Variants in TTC28 observed in about 807,000 individuals in gnomAD.
The protein encoded by TTC28 is tetratricopeptide repeat protein 28.
Under a neutral mutation model 198.0 loss-of-function variants are expected in TTC28, and 61 were observed. That is an observed-to-expected ratio of 0.31 (90% CI 0.25 to 0.38). TTC28 has a LOEUF of 0.38. Ranked by LOEUF, TTC28 falls within the 10% of genes least tolerant of loss-of-function variation. The pLI is 1.00. For missense variants in TTC28, 2,678 were observed against 3,164.0 expected (o/e 0.85, Z 3.69); for synonymous variants, 1,171 against 1,297.8 (o/e 0.90, Z 2.10).
At chr22:28,243,211 A>C (rs935125247) in intron 5 of TTC28, among the ~76,000 whole-genome samples, 2 of 129,444 alleles carry the variant, frequency 1.5e-5, no homozygotes, top group African/African-American at 5.6e-5. Flanking sequence ...AAAAAAAAAA[A>C]AACTAGCCAG....
Position 28,208,717 on chromosome 22 carries a change from C to CTA in TTC28, c.934-45120_934-45119dup, listed in dbSNP as rs756419334. On this transcript the variant is annotated intron_variant, in intron 5 of 22. Transcript: ENST00000397906. Reference sequence around the variant, plus strand: ...GGCCTTCCAAAATATAGTATTTTAACTATATATATATGTGCATATATTTTT... The same window carrying CTA: ...GGCCTTCCAAAATATAGTATTTTAACTATATATATATATGTGCATATATTTTT... Among the ~76,000 whole-genome samples, 97 of 152,024 alleles carry CTA rather than the reference C, an allele frequency of 6.4e-4. No homozygotes were observed. The South Asian group carries it at 0.01, about 16-fold the overall frequency.
chr22:28,232,722 T>C (rs1423344627), intron 5 of TTC28: 1 of 152,196 alleles, frequency 6.6e-6, no homozygotes, highest in Non-Finnish European at 1.5e-5. Flanking sequence ...ATAATTAGTG[T>C]CTCTTGCAGG....
chr22:28,087,866 T>A (rs374806500), intron 12 of TTC28, among the ~76,000 whole-genome samples: 4 of 152,018 alleles, frequency 2.6e-5, no homozygotes, highest in Admixed American at 6.6e-5. Flanking sequence ...TATACACCAA[T>A]AACAGACAAA....
At chr22:28,170,617 T>A (rs1922575516) in intron 5 of TTC28, among the ~76,000 whole-genome samples, 1 of 152,242 alleles carries the variant, frequency 6.6e-6, no homozygotes, top group Admixed American at 6.5e-5. Context: ...CTTGTCTTCT[T>A]CCACGGTAAA....
rs146107162 is a variant in TTC28 at position 28,497,218 on chromosome 22, C to T, written c.381+132334G>A. On this transcript the variant is annotated intron_variant, in intron 2 of 22. Coordinates refer to ENST00000397906, the MANE Select transcript of TTC28 (RefSeq NM_001145418.2). ...CTGGGAGAACAAGGAGAATTTTAAT[C>T]TGCTTGTGCACAGCTATATCCCTAA... Among the ~76,000 whole-genome samples, 31 of 152,228 alleles carry T rather than the reference C, an allele frequency of 2.0e-4. No individual in the cohort carries two copies. In the East Asian group the frequency reaches 6.0e-3, roughly 29 times the overall value.
chr22:28,599,532 T>C (rs574789784), intron 2 of TTC28, among the ~76,000 whole-genome samples: 1 of 152,290 alleles, frequency 6.6e-6, no homozygotes, highest in East Asian at 1.9e-4. Context: ...CTCATGCCTG[T>C]AATCCCAGCA....
intron 2 of TTC28, among the ~76,000 whole-genome samples, chr22:28,400,825 T>C (rs966984691): frequency 9.9e-5 from 15 of 152,198 alleles, no homozygotes; most frequent in Non-Finnish European, 1.5e-4. Flanking sequence ...TTTAATGCAT[T>C]TCTAGTATTA....
At chr22:28,217,406 C>T (rs2147194328) in intron 5 of TTC28, among the ~76,000 whole-genome samples, 1 of 152,282 alleles carries the variant, frequency 6.6e-6, no homozygotes, top group African/African-American at 2.4e-5. Flanking sequence ...AGCCAAGTCA[C>T]ATCTAATTTA....
chr22:28,208,473 T>C (rs778617714), intron 5 of TTC28, among the ~76,000 whole-genome samples: 4 of 152,050 alleles, frequency 2.6e-5, no homozygotes, highest in Non-Finnish European at 5.9e-5. Flanking sequence ...CAGCTCTAAG[T>C]CTCAACAGTT....
intron 5 of TTC28, among the ~76,000 whole-genome samples, chr22:28,257,745 T>C (rs1185128969): frequency 1.8e-4 from 5 of 27,928 alleles, no homozygotes; most frequent in African/African-American, 4.8e-4. Context: ...AGAACATATA[T>C]ATATATATAT....
chr22:28,600,096 T>A (rs533992329), intron 2 of TTC28, among the ~76,000 whole-genome samples: 1 of 152,292 alleles, frequency 6.6e-6, no homozygotes, highest in South Asian at 2.1e-4. Flanking sequence ...TGCTTAGTCT[T>A]TAAAAAATAA....
intron 2 of TTC28, among the ~76,000 whole-genome samples, chr22:28,538,020 T>C (rs2049332805): frequency 6.6e-6 from 1 of 152,144 alleles, no homozygotes; most frequent in Non-Finnish European, 1.5e-5. Flanking sequence ...GAATAATGTA[T>C]ACAATATGCT....
intron 2 of TTC28, among the ~76,000 whole-genome samples, chr22:28,412,365 G>T (rs992841520): frequency 6.6e-6 from 1 of 152,132 alleles, no homozygotes; most frequent in Non-Finnish European, 1.5e-5. Flanking sequence ...GGGGGGCGGG[G>T]GGAGAGGGCA....
chr22:28,540,155 C>G (rs948660780), intron 2 of TTC28, among the ~76,000 whole-genome samples: 3 of 151,932 alleles, frequency 2.0e-5, no homozygotes, highest in African/African-American at 4.8e-5. Context: ...ATCGTATTAG[C>G]CAGGATGGTC....
intron 2 of TTC28, among the ~76,000 whole-genome samples, chr22:28,310,784 A>ATT (rs749034032): frequency 4.1e-5 from 6 of 144,656 alleles, no homozygotes; most frequent in East Asian, 2.0e-4. Flanking sequence ...TTATAATTTA[A>ATT]TTTTTTTTTT....
chr22:28,012,343 G>A (rs1035955789), intron 14 of TTC28, among the ~76,000 whole-genome samples: 3 of 152,184 alleles, frequency 2.0e-5, no homozygotes, highest in Non-Finnish European at 4.4e-5. Flanking sequence ...TGCAAGGACT[G>A]CAAGAATGTG....
At chr22:28,558,170 C>T (rs1281416647) in intron 2 of TTC28, among the ~76,000 whole-genome samples, 1 of 152,094 alleles carries the variant, frequency 6.6e-6, no homozygotes, top group Non-Finnish European at 1.5e-5. Flanking sequence ...GGTGAAATAC[C>T]CAAATCCTTT....
intron 14 of TTC28, among the ~76,000 whole-genome samples, chr22:28,004,259 T>C (rs1937839228): frequency 6.6e-6 from 1 of 152,036 alleles, no homozygotes. Flanking sequence ...GAAAGTGTGG[T>C]TCTTGTTGGC....
At chr22:28,335,693 C>T (rs1040133797) in intron 2 of TTC28, among the ~76,000 whole-genome samples, 1 of 152,092 alleles carries the variant, frequency 6.6e-6, no homozygotes, top group Admixed American at 6.5e-5. Context: ...GATTTTGTAT[C>T]CTGAGACTTT....
Sources: allele counts gnomAD v4.1 joint callset (sites outside exome capture counted in the v4.1 genomes callset), GRCh38; gene constraint gnomAD v4.1.1; transcripts MANE v1.5; gene names NCBI Gene and HGNC (gene_info 2026-07-23, HGNC 2026-07-21).